Variants in ZNF782 observed in about 807,000 individuals in gnomAD.
ZNF782 encodes zinc finger protein 782.
In ZNF782, 12 loss-of-function variants were observed where a neutral mutation model predicts 13.0. The ratio of observed to expected loss-of-function variants is 0.92; its 90% CI spans 0.59 to 1.50. The LOEUF (loss-of-function observed/expected upper bound fraction) is 1.50, where lower values mean the gene tolerates loss of function less well. Among genes scored for constraint, ZNF782 ranks in the 40% most tolerant of loss-of-function variants. The probability of loss-of-function intolerance (pLI) is 0.00; values close to 1 mark genes in which losing one functional copy is unlikely to be tolerated. For missense variants in ZNF782, 770 were observed against 822.9 expected (o/e 0.94, Z 0.79); for synonymous variants, 284 against 283.0 (o/e 1.00, Z -0.04).
At chr9:96,879,368 T>C (rs966112631), upstream of ZNF782, among the ~76,000 whole-genome samples, 3 of 152,126 alleles carry the variant, frequency 2.0e-5, no homozygotes, top group African/African-American at 7.2e-5. Context: ...CCGTGCCTGG[T>C]GGCGGGCGCC....
In ZNF782 at chr9:96,873,575, C is replaced by T. The variant is rs140715766; in HGVS notation, c.-457+1893G>A. On this transcript the variant is annotated intron_variant, in intron 1 of 5. Transcript: ENST00000498811. ...ATTAGCCAAGCTTGGTGGCATCTGC[C>T]GATGTTCCTAGCTCCTTGGGAGGCT... Among the ~76,000 whole-genome samples the T allele has an allele frequency of 9.2e-5, 14 of 152,288 alleles. No individual in the cohort carries two copies. The East Asian group carries it at 1.9e-3, about 21-fold the overall frequency.
chr9:96,886,586 C>A, the ZNF782 span, among the ~76,000 whole-genome samples: 1 of 152,120 alleles, frequency 6.6e-6, no homozygotes, highest in African/African-American at 2.4e-5. Context: ...TATTGTTATA[C>A]CTAGAGCAAC....
At chr9:96,930,872 GTTTTTTTTTTTTTTTTTTTTTTTTT>G in the ZNF782 span, among the ~76,000 whole-genome samples, 168 of 72,710 alleles carry the variant, frequency 2.3e-3, 7 homozygotes, top group East Asian at 4.8e-3. Context: ...CCATCCAGTG[GTTTTTTTTTTTTTTTTTTTTTTTTT>G]TTTTTTTTTT....
At chr9:96,923,244 G>A in the ZNF782 span, among the ~76,000 whole-genome samples, 5 of 150,390 alleles carry the variant, frequency 3.3e-5, no homozygotes, top group African/African-American at 1.2e-4. Context: ...TAGCTAACAC[G>A]CCACAAATAT....
chr9:96,828,624 G>A (rs1850702138), intron 4 of ZNF782, among the ~76,000 whole-genome samples: 2 of 152,168 alleles, frequency 1.3e-5, no homozygotes, highest in Non-Finnish European at 2.9e-5. Context: ...GAAGCTGGGA[G>A]TTCAAGACCA....
chr9:96,911,438 C>CAA, the ZNF782 span, among the ~76,000 whole-genome samples: 131 of 27,944 alleles, frequency 4.7e-3, 2 homozygotes, highest in East Asian at 0.035. Flanking sequence ...GACTCTGTCT[C>CAA]AAAAAAAAAA....
chr9:96,850,223 C>T lies in ZNF782; in HGVS notation c.15+1724G>A, dbSNP rs114572782. 0.012 allele frequency among the ~76,000 whole-genome samples: 1,833 copies of T among 152,210 alleles called. 38 individuals are homozygous for T. The highest frequency in any genetic ancestry group is 0.042 in the African/African-American group (1,762 of 41,512). ...AAACCAGCACACGTTTGTAGCAGCA[C>T]GATTCACAATTGCAAAGATGTGGAA... On this transcript the variant is annotated intron_variant, in intron 3 of 5. Coordinates refer to ENST00000481138, the MANE Select transcript of ZNF782 (RefSeq NM_001001662.3). The surrounding 1 kb of genome is among the most constrained non-coding windows in gnomAD (Gnocchi z 4.3).
At chr9:96,832,024 G>GT (rs199678812) in intron 4 of ZNF782, among the ~76,000 whole-genome samples, 42 of 151,140 alleles carry the variant, frequency 2.8e-4, no homozygotes, top group African/African-American at 7.0e-4. Flanking sequence ...CATTTTATTT[G>GT]TTTTTTTTGT....
intron 1 of ZNF782, among the ~76,000 whole-genome samples, chr9:96,873,666 C>A (rs1422151179): frequency 1.3e-5 from 2 of 152,242 alleles, no homozygotes; most frequent in African/African-American, 4.8e-5. Context: ...TGCCTGCGCT[C>A]CACCCTGGGT....
intron 5 of ZNF782, among the ~76,000 whole-genome samples, chr9:96,823,293 A>G (rs1417341678): frequency 2.0e-5 from 3 of 152,222 alleles, no homozygotes; most frequent in Non-Finnish European, 2.9e-5. Flanking sequence ...GCTGAGCACT[A>G]GTCTAGGAAC....
upstream of ZNF782, among the ~76,000 whole-genome samples, chr9:96,876,943 C>CAAAAAAAAAAAA (rs398011569): frequency 5.1e-4 from 22 of 42,820 alleles, no homozygotes; most frequent in East Asian, 3.4e-3. Flanking sequence ...AACTCCGACT[C>CAAAAAAAAAAAA]AAAAAAAAAA....
At chr9:96,881,533 A>G in the ZNF782 span, among the ~76,000 whole-genome samples, 3 of 152,144 alleles carry the variant, frequency 2.0e-5, no homozygotes, top group African/African-American at 7.2e-5. Flanking sequence ...AAAGTTGCAT[A>G]AACCAATGGA....
At chr9:96,907,743 C>A in the ZNF782 span, among the ~76,000 whole-genome samples, 3 of 151,808 alleles carry the variant, frequency 2.0e-5, no homozygotes, top group Non-Finnish European at 4.4e-5. Flanking sequence ...CGGGTTCAAG[C>A]GATTCTCCTG....
rs61741746 is a variant in ZNF782 at position 96,844,972 on chromosome 9, C to G, written c.60G>C (p.Glu20Asp). 2.2e-3 allele frequency: 3,607 copies of G among 1,614,034 alleles called. 79 individuals carry two copies. The African/African-American group carries it at 0.041, about 18-fold the overall frequency. The change falls in exon 4 of 6, where the codon GAG becomes GAC. Residue 20 changes from glutamate to aspartate, a missense_variant. Physicochemically the swap from Glu to Asp is conservative, Grantham distance 45. Coordinates refer to ENST00000481138, the MANE Select transcript of ZNF782 (RefSeq NM_001001662.3). ...CAACAGGGCCCATGTGCTGCCACTC[C>G]TCCTGGCTGAATTCCACAGTCACGT... The part of the protein sequence containing the change: ...FQDVTVEFSQ[E>D]EWQHMGPVER...
intron 4 of ZNF782, among the ~76,000 whole-genome samples, chr9:96,834,955 C>A (rs1850940191): frequency 6.6e-6 from 1 of 152,174 alleles, no homozygotes. Flanking sequence ...AGACTTCTTA[C>A]AAATTGGTTA....
chr9:96,819,505 A>C lies in ZNF782; in HGVS notation c.518T>G (p.Ile173Ser). ...HERNVCDKWL[I>S]SIKDGRTNTQ... ...GTTAGTTCTGCCATCCTTAATACTG[A>C]TGAGCCATTTGTCACAAACATTACG... Residue 173 changes from isoleucine to serine, a missense_variant, in exon 6 of 6, where the codon ATC (isoleucine) becomes AGC (serine). Transcript: ENST00000481138. 6.2e-7 allele frequency: 1 copy of C among 1,613,232 alleles called. No individual in the cohort carries two copies. Among genetic ancestry groups the C allele is most frequent in the Non-Finnish European group, 8.5e-7 (1 of 1,179,768 alleles).
At chr9:96,827,594 C>T (rs1043633167) in intron 4 of ZNF782, among the ~76,000 whole-genome samples, 2 of 152,084 alleles carry the variant, frequency 1.3e-5, no homozygotes, top group East Asian at 1.9e-4. Flanking sequence ...AGCCACTGTA[C>T]CTGGCCAAAA....
chr9:96,911,138 A>C, the ZNF782 span, among the ~76,000 whole-genome samples: 1 of 149,918 alleles, frequency 6.7e-6, no homozygotes, highest in Non-Finnish European at 1.5e-5. Flanking sequence ...GAGGAAAAAA[A>C]AAAAAACTTG....
At chr9:96,823,488 TC>T (rs751803488) in intron 5 of ZNF782, among the ~76,000 whole-genome samples, 3 of 151,572 alleles carry the variant, frequency 2.0e-5, no homozygotes, top group African/African-American at 7.3e-5. Context: ...TTTTAAAATA[TC>T]CTTTTAAAAC....
Sources: allele counts gnomAD v4.1 joint callset (sites outside exome capture counted in the v4.1 genomes callset), GRCh38; gene constraint gnomAD v4.1.1; non-coding constraint Gnocchi (gnomAD v3.1); transcripts MANE v1.5; gene names NCBI Gene and HGNC (gene_info 2026-07-23, HGNC 2026-07-21).